SLCO3A1: variants seen among roughly 807,000 people sequenced by gnomAD.
SLCO3A1 encodes the protein PGE1 transporter.
SLCO3A1 carries 27 observed loss-of-function variants against 63.1 expected under a neutral mutation model. That is an observed-to-expected ratio of 0.43 (90% CI 0.32 to 0.59). SLCO3A1 has a LOEUF of 0.59. Among genes scored for constraint, SLCO3A1 ranks in the 20% least tolerant of loss-of-function variants. The pLI is 0.09. For missense variants in SLCO3A1, 773 were observed against 945.8 expected, an observed-to-expected ratio of 0.82 and a Z score of 2.40; for synonymous variants, 473 against 409.9, an observed-to-expected ratio of 1.15 and a Z score of -1.86.
chr15:92,154,305 A>G (rs2048344695), intron 9 of SLCO3A1, among the ~76,000 whole-genome samples: 1 of 152,250 alleles, frequency 6.6e-6, no homozygotes, highest in African/African-American at 2.4e-5. Context: ...GAACAGGGGA[A>G]TTATTTATGA....
rs75463333 is a variant in SLCO3A1, at chr15:91,881,775, C to A, written c.180+27687C>A. 1.2e-3 allele frequency among the ~76,000 whole-genome samples: 179 copies of A among 152,268 alleles called. 3 individuals carry two copies. In the East Asian group the frequency reaches 0.033, roughly 28 times the overall value. On this transcript the variant is annotated intron_variant, in intron 1 of 9. Transcript: ENST00000318445. ...GCCGAGTCTACCAGGAAGGGAAACACGAACACATACTCCCCTGGCCCAGAC... is the reference window on the plus strand; with the variant it reads ...GCCGAGTCTACCAGGAAGGGAAACAAGAACACATACTCCCCTGGCCCAGAC...
At chr15:91,878,331 C>G (rs963412473) in intron 1 of SLCO3A1, among the ~76,000 whole-genome samples, 4 of 152,122 alleles carry the variant, frequency 2.6e-5, no homozygotes, top group Non-Finnish European at 5.9e-5. Context: ...CCGCCCACCT[C>G]GGCTTCCCAA....
rs975594344 is a variant in SLCO3A1 at position 91,883,849 on chromosome 15, CGT to C, written c.180+29764_180+29765del. ...TGGGTCCACACCCCGTGCCAGGCAC[CGT>C]GTTACATGCATTTCTTCTGCTGTCC... On this transcript the variant is annotated intron_variant, in intron 1 of 9. Transcript: ENST00000318445. The surrounding 1 kb of genome is among the most constrained non-coding windows in gnomAD (Gnocchi z 4.8). Among the ~76,000 whole-genome samples, 2 of 152,146 alleles carry C rather than the reference CGT, an allele frequency of 1.3e-5. No homozygotes were observed. Among genetic ancestry groups the C allele is most frequent in the African/African-American group, 4.8e-5 (2 of 41,422 alleles).
Position 91,898,382 on chromosome 15 carries a change from A to G in SLCO3A1, c.181-17611A>G, listed in dbSNP as rs142181401. ...TGTATTAGACTTGCTTGTCTATGCA[A>G]TTTCCCCAAACAATGTGTCTCTCTT... On this transcript the variant is annotated intron_variant, in intron 1 of 9. Transcript: ENST00000318445. Among the ~76,000 whole-genome samples, 10 of 152,272 alleles carry G rather than the reference A, an allele frequency of 6.6e-5. No individual in the cohort carries two copies. In the East Asian group the frequency reaches 1.7e-3, roughly 26 times the overall value.
chr15:91,880,886 C>T (rs997286133), intron 1 of SLCO3A1, among the ~76,000 whole-genome samples: 1 of 152,130 alleles, frequency 6.6e-6, no homozygotes, highest in South Asian at 2.1e-4. Flanking sequence ...CTATGGTTCT[C>T]TTCTTGGTTT....
At chr15:91,935,621 T>G (rs1220764332) in intron 2 of SLCO3A1, among the ~76,000 whole-genome samples, 3 of 152,192 alleles carry the variant, frequency 2.0e-5, no homozygotes, top group Non-Finnish European at 4.4e-5. Flanking sequence ...TCCTCTCTTC[T>G]GAATTTTCAT....
chr15:92,015,315 A>G (rs2046413052), intron 2 of SLCO3A1, among the ~76,000 whole-genome samples: 1 of 152,146 alleles, frequency 6.6e-6, no homozygotes, highest in South Asian at 2.1e-4. Flanking sequence ...ATTGACTCAC[A>G]GTTCCACATG....
intron 2 of SLCO3A1, among the ~76,000 whole-genome samples, chr15:92,005,858 G>A (rs2046306454): frequency 6.6e-6 from 1 of 152,188 alleles, no homozygotes. Context: ...GGAATCAAGT[G>A]GATGTGAATT....
At chr15:92,074,781 T>C (rs12903242) in intron 2 of SLCO3A1, among the ~76,000 whole-genome samples, 4 of 48,484 alleles carry the variant, frequency 8.3e-5, no homozygotes, top group Middle Eastern at 0.01. Flanking sequence ...AGCAGGGCGG[T>C]GGGGGGTGGC....
At chr15:91,904,455 G>T (rs997585814) in intron 1 of SLCO3A1, among the ~76,000 whole-genome samples, 2 of 152,142 alleles carry the variant, frequency 1.3e-5, no homozygotes, top group African/African-American at 4.8e-5. Flanking sequence ...TGGGCTTCCG[G>T]TTCCTCCTAG....
chr15:92,104,340 G>C lies in SLCO3A1; in HGVS notation c.807G>C (p.Leu269=). 1 of 1,614,208 alleles carries C rather than the reference G, an allele frequency of 6.2e-7. No homozygotes were observed. The highest frequency in any genetic ancestry group is 8.5e-7 in the Non-Finnish European group (1 of 1,180,040). Residue 269 remains leucine, a synonymous_variant, in exon 4 of 10, where the codon CTG becomes CTC. Transcript: ENST00000318445. ...RWIGAWWGGF[L]LCGALLFFSS... ...TCGGAGCCTGGTGGGGTGGCTTTCTGCTCTGCGGTGCCTTACTCTTCTTCT... is the reference window on the plus strand; with the variant it reads ...TCGGAGCCTGGTGGGGTGGCTTTCTCCTCTGCGGTGCCTTACTCTTCTTCT...
chr15:91,951,479 C>T (rs978259092), intron 2 of SLCO3A1, among the ~76,000 whole-genome samples: 2 of 151,878 alleles, frequency 1.3e-5, no homozygotes, highest in African/African-American at 2.4e-5. Context: ...TTGGTTATTT[C>T]CACTTTTTGG....
intron 2 of SLCO3A1, among the ~76,000 whole-genome samples, chr15:92,013,905 G>A (rs1278851178): frequency 6.6e-6 from 1 of 152,074 alleles, no homozygotes; most frequent in Non-Finnish European, 1.5e-5. Context: ...CCTAATAGGT[G>A]ACAGAGGTCA....
chr15:91,999,192 T>A (rs896817034), intron 2 of SLCO3A1, among the ~76,000 whole-genome samples: 3 of 152,226 alleles, frequency 2.0e-5, no homozygotes, highest in African/African-American at 4.8e-5. Flanking sequence ...GCTCTCCACC[T>A]GGGTGATGGG....
intron 2 of SLCO3A1, among the ~76,000 whole-genome samples, chr15:91,985,875 G>T (rs1237539304): frequency 6.6e-6 from 1 of 152,188 alleles, no homozygotes; most frequent in Non-Finnish European, 1.5e-5. Context: ...GCACGGAGCT[G>T]GTTCCTGTGG....
At chr15:92,147,579 C>CCCAT (rs1222768657) in intron 8 of SLCO3A1, among the ~76,000 whole-genome samples, 1 of 152,152 alleles carries the variant, frequency 6.6e-6, no homozygotes, top group African/African-American at 2.4e-5. Flanking sequence ...GGTGATATGA[C>CCCAT]CCATCCTGCC....
intron 2 of SLCO3A1, among the ~76,000 whole-genome samples, chr15:92,016,548 A>AG (rs1301594951): frequency 6.6e-6 from 1 of 152,066 alleles, no homozygotes; most frequent in African/African-American, 2.4e-5. Context: ...GTTGACATGG[A>AG]GGTAGGTAGT....
At chr15:91,873,552 A>ACACACC (rs1897327060) in intron 1 of SLCO3A1, among the ~76,000 whole-genome samples, 1 of 151,850 alleles carries the variant, frequency 6.6e-6, no homozygotes, top group Non-Finnish European at 1.5e-5. Context: ...ACACACACAC[A>ACACACC]CACACACACA....
chr15:92,135,097 A>T (rs943297815), intron 7 of SLCO3A1, among the ~76,000 whole-genome samples: 2 of 152,224 alleles, frequency 1.3e-5, no homozygotes, highest in African/African-American at 4.8e-5. Context: ...TAGCCGGAAG[A>T]GTGCACAGGC....
Sources: allele counts gnomAD v4.1 joint callset (sites outside exome capture counted in the v4.1 genomes callset), GRCh38; gene constraint gnomAD v4.1.1; non-coding constraint Gnocchi (gnomAD v3.1); transcripts MANE v1.5; gene names NCBI Gene and HGNC (gene_info 2026-07-23, HGNC 2026-07-21).